The following IGF2BP2 variants were observed in gnomAD, a reference collection of about 807,000 sequenced individuals.
IGF2BP2 encodes the protein insulin-like growth factor 2 mRNA-binding protein 2.
A neutral mutation model predicts 75.8 loss-of-function variants in IGF2BP2; 17 were observed. The observed-to-expected ratio is 0.22, with a 90% CI of 0.15 to 0.34. The LOEUF (loss-of-function observed/expected upper bound fraction) is 0.34, where lower values mean the gene tolerates loss of function less well. IGF2BP2 is among the 10% of genes least tolerant of loss of function. IGF2BP2 has a pLI of 1.00. For synonymous variants in IGF2BP2, 288 were observed against 295.6 expected, an observed-to-expected ratio of 0.97 and a Z score of 0.26; for missense variants, 516 against 772.4, an observed-to-expected ratio of 0.67 and a Z score of 3.93.
chr3:185,726,884 G>A (rs1348855624), intron 2 of IGF2BP2, among the ~76,000 whole-genome samples: 2 of 152,040 alleles, frequency 1.3e-5, no homozygotes, highest in Non-Finnish European at 2.9e-5. Flanking sequence ...GGGGTTGTGG[G>A]AAAAAAAGGT....
intron 2 of IGF2BP2, among the ~76,000 whole-genome samples, chr3:185,732,712 G>A (rs1163255380): frequency 1.3e-5 from 2 of 152,148 alleles, no homozygotes; most frequent in African/African-American, 4.8e-5. Context: ...AGTATATGAA[G>A]ACAATTATAA....
intron 2 of IGF2BP2, among the ~76,000 whole-genome samples, chr3:185,728,080 G>A (rs1313850009): frequency 1.3e-5 from 2 of 152,134 alleles, no homozygotes; most frequent in South Asian, 2.1e-4. Context: ...CTTCCGTTAC[G>A]TATACCTGAA....
chr3:185,734,918 T>A lies in IGF2BP2; in HGVS notation c.240-36571A>T, dbSNP rs58790615. 4.1e-3 allele frequency among the ~76,000 whole-genome samples: 620 copies of A among 152,180 alleles called. 4 individuals carry two copies. Among genetic ancestry groups the A allele is most frequent in the African/African-American group, 0.014 (588 of 41,518 alleles). ...AACTCCGACGTGCCTCAATCTCCCC[T>A]CTGCAGAGTGGAGATAAGAGCAGCA... On this transcript the variant is annotated intron_variant, in intron 2 of 15. Coordinates refer to ENST00000382199, the MANE Select transcript of IGF2BP2 (RefSeq NM_006548.6).
At chr3:185,718,071 T>C (rs975769517) in intron 2 of IGF2BP2, 1 of 152,248 alleles carries the variant, frequency 6.6e-6, no homozygotes. Flanking sequence ...TGCACATTAA[T>C]AGGCATCTGA....
intron 7 of IGF2BP2, among the ~76,000 whole-genome samples, chr3:185,680,816 C>T (rs536019278): frequency 2.1e-5 from 1 of 46,610 alleles, no homozygotes; most frequent in Admixed American, 2.8e-4. Context: ...TACAATAAAT[C>T]ACATTAACAG....
At chr3:185,661,024 G>A (rs1419889661) in intron 10 of IGF2BP2, among the ~76,000 whole-genome samples, 2 of 152,178 alleles carry the variant, frequency 1.3e-5, no homozygotes, top group Non-Finnish European at 2.9e-5. Context: ...GGAACTCAGG[G>A]TAAGAAAGAG....
In IGF2BP2 at chr3:185,652,187, G is replaced by T; in HGVS notation, c.1387-19C>A. ...GGGCAATCTGTGGTTCACAGGAGAG[G>T]AAAACGCTGATGCTCGGCTGCATTC... is the stretch of plus-strand genomic sequence containing the variant. On this transcript the variant is annotated intron_variant, in intron 12 of 15. Transcript: ENST00000382199. The T allele has an allele frequency of 6.3e-7, 1 of 1,597,412 alleles. No individual in the cohort carries two copies. Among genetic ancestry groups the T allele is most frequent in the Non-Finnish European group, 8.6e-7 (1 of 1,167,892 alleles).
chr3:185,647,805 T>C lies in IGF2BP2; in HGVS notation c.1594-667A>G, dbSNP rs1713850352. On this transcript the variant is annotated intron_variant, in intron 14 of 15. Coordinates refer to ENST00000382199, the MANE Select transcript of IGF2BP2 (RefSeq NM_006548.6). This position sits in a 1 kb window ranked among gnomAD's most constrained non-coding sequence, Gnocchi z 4.9. ...CTTCCCAACAGGACTGCACGCTTCCTGAGGGCTCAGACCCCGTCCTCTGGC... is the reference window on the plus strand; with the variant it reads ...CTTCCCAACAGGACTGCACGCTTCCCGAGGGCTCAGACCCCGTCCTCTGGC... Among the ~76,000 whole-genome samples the C allele has an allele frequency of 1.3e-5, 2 of 152,246 alleles. No individual in the cohort carries two copies. Among genetic ancestry groups the C allele is most frequent in the Non-Finnish European group, 2.9e-5 (2 of 68,036 alleles).
At chr3:185,721,422 G>T (rs545369293) in intron 2 of IGF2BP2, among the ~76,000 whole-genome samples, 1 of 151,932 alleles carries the variant, frequency 6.6e-6, no homozygotes, top group African/African-American at 2.4e-5. Context: ...GGCTGCTCTC[G>T]AACTCCTGAC....
At chr3:185,680,791 T>A (rs573152494) in intron 7 of IGF2BP2, among the ~76,000 whole-genome samples, 41 of 148,684 alleles carry the variant, frequency 2.8e-4, no homozygotes, top group East Asian at 4.0e-4. Context: ...AAACATTTTT[T>A]AAAAAATCAA....
intron 2 of IGF2BP2, among the ~76,000 whole-genome samples, chr3:185,793,859 C>T (rs888464875): frequency 3.9e-4 from 59 of 151,926 alleles, no homozygotes; most frequent in Admixed American, 9.8e-4. Flanking sequence ...GGAGTTTTGG[C>T]CCTGCCTGGG....
chr3:185,689,457 A>G lies in IGF2BP2; in HGVS notation c.575T>C (p.Ile192Thr). The change falls in exon 6 of 16, where the codon ATT becomes ACT. Residue 192 changes from isoleucine (I) to threonine (T), a missense_variant. Physicochemically the swap from Ile to Thr is moderately conservative, Grantham distance 89. Around this residue, in one of 3 missense-constraint regions of IGF2BP2, gnomAD observed 312 missense variants for 474.5 expected, o/e 0.66. Transcript: ENST00000382199. ...GACCAGGATCCGCAGCGGGAAATCA[A>G]TCTGTCTGGCCTGAGAAGTGCCCCC... ...APGGTSQARQ[I>T]DFPLRILVPT... 1 of 1,613,874 alleles carries G rather than the reference A, an allele frequency of 6.2e-7. No individual in the cohort carries two copies. Among genetic ancestry groups the G allele is most frequent in the Non-Finnish European group, 8.5e-7 (1 of 1,179,878 alleles).
chr3:185,696,704 T>C, intron 3 of IGF2BP2, 41 bp from the exon 4 acceptor site: 1 of 1,545,002 alleles, frequency 6.5e-7, no homozygotes, highest in Non-Finnish European at 8.9e-7. Context: ...GAAGGCAAGA[T>C]CATATGTACA....
intron 2 of IGF2BP2, among the ~76,000 whole-genome samples, chr3:185,705,214 A>G (rs1446360187): frequency 6.6e-6 from 1 of 152,210 alleles, no homozygotes; most frequent in Non-Finnish European, 1.5e-5. Context: ...TTCCTGCCTC[A>G]GCCTCCTGAG....
intron 7 of IGF2BP2, among the ~76,000 whole-genome samples, chr3:185,683,502 G>T (rs1005467573): frequency 1.3e-5 from 2 of 151,936 alleles, no homozygotes; most frequent in Non-Finnish European, 2.9e-5. Context: ...TCCGCCTCCT[G>T]GGTTCAAGCG....
chr3:185,741,704 T>G lies in IGF2BP2; in HGVS notation c.240-43357A>C, dbSNP rs568963673. ...AAAAATTACAACAGTCAGGGCTGGC[T>G]TCATGGGTGAGCTCATTTGATGCCC... On this transcript the variant is annotated intron_variant, in intron 2 of 15. Transcript: ENST00000382199. 2.0e-5 allele frequency among the ~76,000 whole-genome samples: 3 copies of G among 152,356 alleles called. No homozygotes were observed. In the South Asian group the frequency reaches 6.2e-4, roughly 32 times the overall value.
At chr3:185,670,349 A>C (rs1017905835) in intron 10 of IGF2BP2, among the ~76,000 whole-genome samples, 2 of 152,194 alleles carry the variant, frequency 1.3e-5, no homozygotes, top group Non-Finnish European at 2.9e-5. Context: ...TTTTCTGCAA[A>C]GGAGCAAATC....
chr3:185,663,575 C>A (rs2063433467), intron 10 of IGF2BP2, among the ~76,000 whole-genome samples: 1 of 152,052 alleles, frequency 6.6e-6, no homozygotes, highest in African/African-American at 2.4e-5. Flanking sequence ...CGATGTGTGA[C>A]CATCTGATAC....
intron 2 of IGF2BP2, among the ~76,000 whole-genome samples, chr3:185,773,388 G>A (rs1160390493): frequency 2.6e-5 from 4 of 152,064 alleles, no homozygotes; most frequent in Admixed American, 6.6e-5. Flanking sequence ...TTTAACAGGC[G>A]GAAGTACTAA....
Sources: gnomAD v4.1 joint callset for allele counts (sites outside exome capture counted in the v4.1 genomes callset) on GRCh38, gnomAD v4.1.1 for gene constraint, gnomAD v4.1.1 regional missense constraint, Gnocchi (gnomAD v3.1) non-coding constraint, MANE v1.5 for transcripts, NCBI Gene and HGNC (gene_info 2026-07-23, HGNC 2026-07-21) for gene names.